The following LARS1 variants were observed in gnomAD, a reference collection of about 807,000 sequenced individuals.
LARS1 encodes leucyl-tRNA synthetase 1, also known as leucine--tRNA ligase, cytoplasmic.
In LARS1, 100 loss-of-function variants were observed where a neutral mutation model predicts 162.8. That is an observed-to-expected ratio of 0.61 (90% CI 0.52 to 0.73). LARS1 has a LOEUF of 0.73. LARS1 is among the 30% of genes least tolerant of loss of function. LARS1 has a pLI of 0.00. For synonymous variants in LARS1, 457 were observed against 462.8 expected (o/e 0.99, Z 0.16); for missense variants, 1,258 against 1,408.9 (o/e 0.89, Z 1.71).
rs1753399705 is a variant in LARS1, at chr5:146,153,754, T to C, written c.1210A>G (p.Arg404Gly). The change falls in exon 12 of 32, where the codon AGA (arginine) becomes GGA (glycine). Residue 404 changes from arginine (R) to glycine (G), a missense_variant. Physicochemically the swap from Arg to Gly is moderately radical, Grantham distance 125. Coordinates refer to ENST00000394434, the MANE Select transcript of LARS1 (RefSeq NM_020117.11). ...CTTACTTGCTTTTTCTTCAAGTCTC[T>C]GAGGGCAGCAATATCATCAGGGGAG... is the stretch of plus-strand genomic sequence containing the variant. ...SDSPDDIAAL[R>G]DLKKKQALRA... The C allele has an allele frequency of 6.2e-7, 1 of 1,613,972 alleles. No individual in the cohort carries two copies. Among genetic ancestry groups the C allele is most frequent in the East Asian group, 2.2e-5 (1 of 44,846 alleles).
intron 23 of LARS1, 142 bp downstream of exon 23, chr5:146,132,756 G>C (rs1185094201): frequency 4.8e-6 from 3 of 628,300 alleles, no homozygotes; most frequent in Non-Finnish European, 5.2e-6. Context: ...CCCGGCACAA[G>C]TAAGCCTTCA....
chr5:146,142,253 A>G (rs1752815657), intron 20 of LARS1, among the ~76,000 whole-genome samples: 1 of 151,648 alleles, frequency 6.6e-6, no homozygotes, highest in Admixed American at 6.6e-5. Flanking sequence ...GTGCCGCTGC[A>G]CTCCAGCCTG....
At chr5:146,123,692 G>C (rs765346259) in intron 29 of LARS1, among the ~76,000 whole-genome samples, 21 of 151,744 alleles carry the variant, frequency 1.4e-4, no homozygotes, top group Admixed American at 2.6e-4. Flanking sequence ...TTGAATATAA[G>C]GTCTCTTAAA....
chr5:146,168,662 G>A (rs2126571455), intron 4 of LARS1, among the ~76,000 whole-genome samples: 1 of 152,050 alleles, frequency 6.6e-6, no homozygotes, highest in Middle Eastern at 3.4e-3. Context: ...TCTAGCCTGG[G>A]CAACAAAGCA....
intron 15 of LARS1, among the ~76,000 whole-genome samples, chr5:146,148,754 TA>T (rs775318882): frequency 7.9e-5 from 12 of 151,930 alleles, no homozygotes; most frequent in Admixed American, 3.3e-4. Context: ...AAAATCACAT[TA>T]CAAGCATTTA....
chr5:146,171,318 T>C (rs971539065), intron 4 of LARS1, among the ~76,000 whole-genome samples: 1 of 151,672 alleles, frequency 6.6e-6, no homozygotes, highest in African/African-American at 2.4e-5. Context: ...GATCACACCA[T>C]TGCACTGCAG....
chr5:146,132,997 C>T lies in LARS1; in HGVS notation c.2297G>A (p.Arg766His), dbSNP rs779132226. 4.5e-5 allele frequency: 72 copies of T among 1,613,888 alleles called. No individual in the cohort carries two copies. Among genetic ancestry groups the T allele is most frequent in the South Asian group, 5.5e-5 (5 of 91,090 alleles). Residue 766 changes from arginine to histidine, a missense_variant, in exon 23 of 32, where the codon CGT becomes CAT. Arg to His is a conservative substitution (Grantham distance 29, BLOSUM62 0). Coordinates refer to ENST00000394434, the MANE Select transcript of LARS1 (RefSeq NM_020117.11). ...VEAMADAGIL[R>H]LYTWVEWVKE... Reference sequence around the variant, plus strand: ...CACCCACTCTACCCAGGTGTACAGACGGAGAATACCTGCATCTGCCATGGC... The same window carrying T: ...CACCCACTCTACCCAGGTGTACAGATGGAGAATACCTGCATCTGCCATGGC...
chr5:146,157,386 T>A lies in LARS1; in HGVS notation c.1065+17A>T. 1.9e-6 allele frequency: 3 copies of A among 1,599,176 alleles called. No individual in the cohort carries two copies. The highest frequency in any genetic ancestry group is 2.6e-6 in the Non-Finnish European group (3 of 1,168,310). Reference sequence around the variant, plus strand: ...GAAATTTACGCATTAAAATAAAAAATCTGCTATCCAACTTACCTCCCCCAT... The same window carrying A: ...GAAATTTACGCATTAAAATAAAAAAACTGCTATCCAACTTACCTCCCCCAT... On this transcript the variant is annotated intron_variant, in intron 10 of 31. Transcript: ENST00000394434.
chr5:146,120,178 A>G (rs1338050765), intron 31 of LARS1, 193 bp downstream of exon 31: 1 of 568,578 alleles, frequency 1.8e-6, no homozygotes, highest in Non-Finnish European at 3.1e-6. Context: ...CTTAAGTGAC[A>G]TGGCAAAGCC....
intron 1 of LARS1, among the ~76,000 whole-genome samples, chr5:146,178,165 G>A (rs1472873190): frequency 6.6e-6 from 1 of 152,154 alleles, no homozygotes; most frequent in East Asian, 1.9e-4. Context: ...AACAATTACT[G>A]AAATATGTAA....
chr5:146,115,837 T>A (rs73315726), intron 31 of LARS1, among the ~76,000 whole-genome samples: 4,419 of 152,234 alleles, frequency 0.029, 219 homozygotes, highest in African/African-American at 0.1. Context: ...ATAGAAGATA[T>A]TTTCTGAATT....
rs563000111 is a variant in LARS1 at position 146,114,056 on chromosome 5, G to T, written c.*50C>A. ...GATAGCCAATCAGTAGACACAATCA[G>T]AGTAGTAGTATTCCTAAGAAACCAG... On this transcript the variant is annotated 3_prime_UTR_variant, in exon 32 of 32. Transcript: ENST00000394434. 4 of 1,382,508 alleles carry T rather than the reference G, an allele frequency of 2.9e-6. No homozygotes were observed. The African/African-American group carries it at 4.3e-5, about 15-fold the overall frequency. The allele number at this position is 1,382,508 out of a possible 1,614,324, so 85.6% of individuals were successfully genotyped here. A position where few individuals can be genotyped will look rare whatever the true frequency, so the allele number is the denominator to read the frequency against.
At chr5:146,123,336 C>A (rs959869553) in intron 29 of LARS1, among the ~76,000 whole-genome samples, 1 of 151,802 alleles carries the variant, frequency 6.6e-6, no homozygotes, top group Admixed American at 6.6e-5. Flanking sequence ...TATTTACGAT[C>A]TATATATAAA....
At chr5:146,155,742 T>C (rs13178370) in intron 10 of LARS1, among the ~76,000 whole-genome samples, 33,894 of 152,240 alleles carry the variant, frequency 0.22, 4,840 homozygotes, top group Admixed American at 0.34. Context: ...ATAACATCCA[T>C]GTCCCTCACG....
intron 6 of LARS1, 85 bp downstream of exon 6, chr5:146,164,225 A>G: frequency 7.4e-7 from 1 of 1,348,752 alleles, no homozygotes; most frequent in Middle Eastern, 2.6e-4. Flanking sequence ...AAAAAAATCC[A>G]TGTCTGGAAA....
At position 146,144,370 on chromosome 5, in the gene LARS1, A is replaced by G. The variant is rs1337284608; in HGVS notation, c.1656-21T>C. ...AGAATCTAGAAAAGAGCAAAAGACA[A>G]AGTGTATCTTTACTGGTTCACTTTT... On this transcript the variant is annotated intron_variant, in intron 17 of 31. Transcript: ENST00000394434. 6.2e-6 allele frequency: 10 copies of G among 1,605,674 alleles called. No homozygotes were observed. In the Admixed American group the frequency reaches 1.4e-4, roughly 22 times the overall value.
intron 18 of LARS1, among the ~76,000 whole-genome samples, 174 bp from the exon 19 acceptor site, chr5:146,143,724 C>A (rs543417907): frequency 6.6e-6 from 1 of 152,290 alleles, no homozygotes; most frequent in East Asian, 1.9e-4. Flanking sequence ...ATGGGCCAGG[C>A]ATGGTGGCTC....
intron 20 of LARS1, among the ~76,000 whole-genome samples, chr5:146,141,989 C>T (rs907394796): frequency 4.6e-5 from 7 of 152,068 alleles, no homozygotes; most frequent in African/African-American, 1.2e-4. Context: ...GGTTAAACCC[C>T]GTCTCTACTA....
intron 27 of LARS1, 119 bp downstream of exon 27, chr5:146,128,553 G>T: frequency 1.8e-6 from 1 of 548,884 alleles, no homozygotes. Context: ...TCTGCCTAGA[G>T]GGAATGAAAC....
Sources: gnomAD v4.1 joint callset for allele counts (sites outside exome capture counted in the v4.1 genomes callset) on GRCh38, gnomAD v4.1.1 for gene constraint, MANE v1.5 for transcripts, NCBI Gene and HGNC (gene_info 2026-07-23, HGNC 2026-07-21) for gene names.